UBIAD1: variants seen among roughly 807,000 people sequenced by gnomAD.
UBIAD1 encodes the protein UbiA prenyltransferase domain containing 1.
A neutral mutation model predicts 20.1 loss-of-function variants in UBIAD1; 12 were observed. The observed-to-expected ratio is 0.60, with a 90% confidence interval of 0.38 to 0.97. The LOEUF is 0.97. Among genes scored for constraint, UBIAD1 ranks in the 50% least tolerant of loss-of-function variants. UBIAD1 has a pLI of 0.00. For missense variants in UBIAD1, 333 were observed against 419.5 expected (o/e 0.79, Z 1.80); for synonymous variants, 207 against 189.2 (o/e 1.09, Z -0.77).
At chr1:11,275,476 C>T (rs926544998) in intron 1 of UBIAD1, among the ~76,000 whole-genome samples, 4 of 152,182 alleles carry the variant, frequency 2.6e-5, no homozygotes, top group African/African-American at 7.2e-5. Flanking sequence ...TGCAGTGGCT[C>T]ATGTCTGTAA....
At chr1:11,281,669 A>G (rs1215521233) in intron 1 of UBIAD1, among the ~76,000 whole-genome samples, 1 of 152,222 alleles carries the variant, frequency 6.6e-6, no homozygotes, top group Non-Finnish European at 1.5e-5. Context: ...GTCATCATCC[A>G]GAACACTTCC....
At chr1:11,288,880 TC>T (rs1405919497), downstream of UBIAD1, among the ~76,000 whole-genome samples, 1 of 151,128 alleles carries the variant, frequency 6.6e-6, no homozygotes, top group African/African-American at 2.4e-5. Context: ...CCACTGCACA[TC>T]CGCCTGGGCG....
intron 1 of UBIAD1, among the ~76,000 whole-genome samples, chr1:11,275,810 AT>A (rs1652002926): frequency 6.6e-6 from 1 of 152,240 alleles, no homozygotes; most frequent in Admixed American, 6.5e-5. Flanking sequence ...CCAAGCAGAT[AT>A]CTGAGAGAGG....
At chr1:11,279,871 G>A (rs1652185545) in intron 1 of UBIAD1, among the ~76,000 whole-genome samples, 1 of 152,194 alleles carries the variant, frequency 6.6e-6, no homozygotes, top group African/African-American at 2.4e-5. Context: ...GGGGGAGGGA[G>A]TGTTGGTAGA....
At chr1:11,280,472 A>G (rs747725075) in intron 1 of UBIAD1, among the ~76,000 whole-genome samples, 3 of 152,190 alleles carry the variant, frequency 2.0e-5, no homozygotes, top group Admixed American at 6.5e-5. Context: ...CTCCAGACTC[A>G]TATCCAACTT....
chr1:11,276,061 GATGTAATATA>G (rs1469700731), intron 1 of UBIAD1, among the ~76,000 whole-genome samples: 1 of 152,168 alleles, frequency 6.6e-6, no homozygotes, highest in Admixed American at 6.6e-5. Context: ...GCAAGGGAGT[GATGTAATATA>G]ATGTTTTAAA....
exon 2 of UBIAD1, chr1:11,294,947 G>A (rs1012160060): frequency 1.1e-5 from 8 of 717,480 alleles, no homozygotes; most frequent in Admixed American, 2.0e-5. Flanking sequence ...ACTGCCTAGT[G>A]ACCTGCCTTC....
At chr1:11,298,503 G>A (rs148052575), downstream of UBIAD1, among the ~76,000 whole-genome samples, 1 of 151,940 alleles carries the variant, frequency 6.6e-6, no homozygotes, top group African/African-American at 2.4e-5. The surrounding 1 kb of genome is among the most constrained non-coding windows in gnomAD (Gnocchi z 4.0). Flanking sequence ...GGAGGTGGAG[G>A]TTGCAGTGAG....
At chr1:11,294,761 T>C (rs944261172) in intron 1 of UBIAD1, 4 of 715,496 alleles carry the variant, frequency 5.6e-6, no homozygotes, top group Non-Finnish European at 1.0e-5. Context: ...CCCCAGATAA[T>C]GGAGAGTGGC....
chr1:11,296,991 A>T (rs965963758), downstream of UBIAD1, among the ~76,000 whole-genome samples: 1 of 152,232 alleles, frequency 6.6e-6, no homozygotes, highest in African/African-American at 2.4e-5. Context: ...AGCACCTGAT[A>T]AGTACCAGGA....
chr1:11,297,613 C>G (rs988487556), downstream of UBIAD1, among the ~76,000 whole-genome samples: 9 of 152,190 alleles, frequency 5.9e-5, no homozygotes, highest in African/African-American at 1.9e-4. Flanking sequence ...CCAAGCCTGG[C>G]TGTGCTGAGA....
intron 1 of UBIAD1, among the ~76,000 whole-genome samples, chr1:11,280,514 A>G (rs1353525884): frequency 6.6e-6 from 1 of 152,214 alleles, no homozygotes; most frequent in Non-Finnish European, 1.5e-5. Context: ...GAACTGTCTC[A>G]TAAACATCTC....
In UBIAD1 at chr1:11,285,887, A is replaced by G. The variant is rs771021559; in HGVS notation, c.773A>G (p.Tyr258Cys). The G allele has an allele frequency of 1.9e-6, 3 of 1,614,102 alleles. No individual in the cohort carries two copies. Among genetic ancestry groups the G allele is most frequent in the Non-Finnish European group, 2.5e-6 (3 of 1,180,000 alleles). Residue 258 changes from tyrosine to cysteine, a missense_variant, in exon 2 of 2, where the codon TAC (tyrosine) becomes TGC (cysteine). Tyr to Cys is a radical substitution (Grantham distance 194, BLOSUM62 -2). Coordinates refer to ENST00000376810, the MANE Select transcript of UBIAD1 (RefSeq NM_013319.3). The surrounding 1 kb of genome is among the most constrained non-coding windows in gnomAD (Gnocchi z 4.4). Reference protein sequence around the residue: ...LAILIGPTFSYILYNTLLFLP... With the variant: ...LAILIGPTFSCILYNTLLFLP... ...ATCCTCATCGGCCCCACGTTCTCCT[A>G]CATTCTCTACAACACACTGCTCTTC...
downstream of UBIAD1, among the ~76,000 whole-genome samples, chr1:11,290,494 T>C (rs1196249725): frequency 6.6e-6 from 1 of 152,176 alleles, no homozygotes; most frequent in South Asian, 2.1e-4. Context: ...GCACTACCAC[T>C]CTACCTATGA....
chr1:11,292,696 C>T (rs1638386515), downstream of UBIAD1, among the ~76,000 whole-genome samples: 1 of 151,882 alleles, frequency 6.6e-6, no homozygotes, highest in East Asian at 1.9e-4. Flanking sequence ...CACACACACA[C>T]ACACACACAC....
At chr1:11,299,108 C>T (rs1190941569), downstream of UBIAD1, among the ~76,000 whole-genome samples, 5 of 152,348 alleles carry the variant, frequency 3.3e-5, no homozygotes, top group South Asian at 6.2e-4. Flanking sequence ...AGATGGGCTT[C>T]CCCAGGAGAG....
chr1:11,278,522 G>T (rs564038006), intron 1 of UBIAD1: 2 of 640,150 alleles, frequency 3.1e-6, no homozygotes, highest in South Asian at 6.0e-5. Context: ...TTTATTTAAC[G>T]TGTGGGTATT....
rs1403301324 is a variant in UBIAD1 at position 11,286,539 on chromosome 1, T to C, written c.*408T>C. ...ACCCTAATAACTAGGCAGAGTGTTG[T>C]CCTGCTTTCTTCGTCTCGTAGGATG... On this transcript the variant is annotated 3_prime_UTR_variant, in exon 2 of 2. Coordinates refer to ENST00000376810, the MANE Select transcript of UBIAD1 (RefSeq NM_013319.3). 2 of 306,158 alleles carry C rather than the reference T, an allele frequency of 6.5e-6. No individual in the cohort carries two copies. The highest frequency in any genetic ancestry group is 1.8e-4 in the East Asian group (2 of 10,946). The allele number at this position is 306,158 out of a possible 1,614,324, so 19.0% of individuals were successfully genotyped here.
intron 1 of UBIAD1, among the ~76,000 whole-genome samples, chr1:11,281,963 T>C (rs1180738829): frequency 6.6e-6 from 1 of 152,254 alleles, no homozygotes; most frequent in Non-Finnish European, 1.5e-5. Context: ...TAGCATTCCA[T>C]TGTAACATAC....
Sources: allele counts gnomAD v4.1 joint callset (sites outside exome capture counted in the v4.1 genomes callset), GRCh38; gene constraint gnomAD v4.1.1; non-coding constraint Gnocchi (gnomAD v3.1); transcripts MANE v1.5; gene names NCBI Gene and HGNC (gene_info 2026-07-23, HGNC 2026-07-21).